CEP131: variants seen among roughly 807,000 people sequenced by gnomAD.
CEP131 encodes the protein centrosomal protein of 131 kDa.
Under a neutral mutation model 136.8 loss-of-function variants are expected in CEP131, and 99 were observed. The observed-to-expected ratio is 0.72, with a 90% confidence interval of 0.62 to 0.86. CEP131 has a LOEUF of 0.86. Ranked by LOEUF, CEP131 falls within the 40% of genes least tolerant of loss-of-function variation. The pLI is 0.00. For synonymous variants in CEP131, 646 were observed against 612.7 expected (o/e 1.05, Z -0.80); for missense variants, 1,459 against 1,463.0 (o/e 1.00, Z 0.04).
At chr17:81,191,497 G>A in intron 21 of CEP131, 162 bp from the exon 22 acceptor site, 1 of 662,056 alleles carries the variant, frequency 1.5e-6, no homozygotes, top group Non-Finnish European at 2.6e-6. Flanking sequence ...ACGTCCTGTT[G>A]TCAGGACCCA....
chr17:81,191,217 T>C lies in CEP131; in HGVS notation c.2741A>G (p.Glu914Gly), dbSNP rs920956859. Residue 914 changes from glutamate to glycine, a missense_variant, in exon 22 of 26, where the codon GAG becomes GGG. By Grantham distance (98) the Glu-to-Gly change is moderately conservative (BLOSUM62 -2). Coordinates refer to ENST00000450824, the MANE Select transcript of CEP131 (RefSeq NM_014984.4). Reference sequence around the variant, plus strand: ...CCGGCTCTCGGCAGCCTTCTCACTCTCCTCCTTGGCCAGCGCCATGTCGGC... The same window carrying C: ...CCGGCTCTCGGCAGCCTTCTCACTCCCCTCCTTGGCCAGCGCCATGTCGGC... ...LEADMALAKE[E>G]SEKAAESRIK... 4.3e-6 allele frequency: 7 copies of C among 1,612,700 alleles called. No homozygotes were observed. Among genetic ancestry groups the C allele is most frequent in the Non-Finnish European group, 5.9e-6 (7 of 1,179,926 alleles).
rs758642511 is a variant in CEP131 at position 81,191,260 on chromosome 17, C to T, written c.2698G>A (p.Val900Ile). ...RKGRDKEIEL[V>I]IHRLEADMAL... is the part of the protein sequence containing the mutation. Reference sequence around the variant, plus strand: ...ATGTCGGCCTCCAGCCGGTGAATGACCAGCTCAATCTCCTTGTCCCGGCCT... The same window carrying T: ...ATGTCGGCCTCCAGCCGGTGAATGATCAGCTCAATCTCCTTGTCCCGGCCT... The change falls in exon 22 of 26, where the codon GTC (valine) becomes ATC (isoleucine). Residue 900 changes from valine to isoleucine, a missense_variant. Val to Ile is a conservative substitution (Grantham distance 29, BLOSUM62 3). Coordinates refer to ENST00000450824, the MANE Select transcript of CEP131 (RefSeq NM_014984.4). 1.9e-5 allele frequency: 31 copies of T among 1,613,426 alleles called. No homozygotes were observed. The highest frequency in any genetic ancestry group is 2.3e-5 in the Non-Finnish European group (27 of 1,179,984).
chr17:81,217,863 G>A (rs2062285823), intron 2 of CEP131, among the ~76,000 whole-genome samples: 1 of 152,286 alleles, frequency 6.6e-6, no homozygotes, highest in Non-Finnish European at 1.5e-5. Context: ...CAGCAGAAAG[G>A]CTGGGAGTGT....
chr17:81,196,639 C>A, intron 15 of CEP131, 62 bp downstream of exon 15: 1 of 1,550,354 alleles, frequency 6.5e-7, no homozygotes, highest in Non-Finnish European at 8.7e-7. Context: ...AAGCCCCTGG[C>A]TCTGGAAGTC....
chr17:81,201,325 C>T (rs1490659034), intron 7 of CEP131, among the ~76,000 whole-genome samples: 6 of 152,180 alleles, frequency 3.9e-5, no homozygotes, highest in Non-Finnish European at 5.9e-5. Flanking sequence ...CCGCCAGGAG[C>T]AGGCTCCGAA....
At position 81,198,894 on chromosome 17, in the gene CEP131, G is replaced by A; in HGVS notation, c.1270C>T (p.Pro424Ser). The change falls in exon 11 of 26, where the codon CCA (proline) becomes TCA (serine). Residue 424 changes from proline to serine, a missense_variant. By Grantham distance (74) the Pro-to-Ser change is moderately conservative. Transcript: ENST00000450824. Reference protein sequence around the residue: ...SDSSPEPQQPPEDRTQDVLAQ... With the variant: ...SDSSPEPQQPSEDRTQDVLAQ... ...GCTCAGACCTGCGTCCTGTCCTCTGGAGGCTGCTGTGGTTCTGGGGATGAG... is the reference window on the plus strand; with the variant it reads ...GCTCAGACCTGCGTCCTGTCCTCTGAAGGCTGCTGTGGTTCTGGGGATGAG... 6.3e-7 allele frequency: 1 copy of A among 1,589,706 alleles called. No homozygotes were observed. The highest frequency in any genetic ancestry group is 8.6e-7 in the Non-Finnish European group (1 of 1,169,008).
intron 1 of CEP131, 34 bp from the exon 2 acceptor site, chr17:81,220,107 C>T (rs745640586): frequency 6.0e-5 from 87 of 1,459,262 alleles, no homozygotes; most frequent in South Asian, 8.4e-5. Flanking sequence ...AATGAGATGC[C>T]GTGGGGGAAC....
chr17:81,210,630 G>A (rs1433006662), intron 2 of CEP131, among the ~76,000 whole-genome samples: 1 of 152,064 alleles, frequency 6.6e-6, no homozygotes, highest in African/African-American at 2.4e-5. Flanking sequence ...ACAGTCCAGT[G>A]GGAAACGGTC....
chr17:81,203,791 C>T lies in CEP131; in HGVS notation c.516-184G>A. Reference sequence around the variant, plus strand: ...CAGCCTGCGCCCTGATGATGGGGTTCTTCCCAGGACAGGAAAGCTGGACCA... The same window carrying T: ...CAGCCTGCGCCCTGATGATGGGGTTTTTCCCAGGACAGGAAAGCTGGACCA... On this transcript the variant is annotated intron_variant, in intron 5 of 25. Coordinates refer to ENST00000450824, the MANE Select transcript of CEP131 (RefSeq NM_014984.4). The surrounding 1 kb of genome is among the most constrained non-coding windows in gnomAD (Gnocchi z 4.6). 4 of 580,204 alleles carry T rather than the reference C, an allele frequency of 6.9e-6. No homozygotes were observed. The highest frequency in any genetic ancestry group is 2.1e-5 in the South Asian group (1 of 47,294). 35.9% of individuals were successfully genotyped at this position (580,204 alleles called of 1,614,324 possible).
chr17:81,195,747 A>T, intron 16 of CEP131, 88 bp downstream of exon 16: 1 of 1,182,188 alleles, frequency 8.5e-7, no homozygotes, highest in Non-Finnish European at 1.2e-6. Flanking sequence ...GAGGACTCCA[A>T]GTCCGGTCCT....
At position 81,189,813 on chromosome 17, in the gene CEP131, C is replaced by T. The variant is rs778586270; in HGVS notation, c.3199G>A (p.Glu1067Lys). ...AAVKRADHLE[E>K]LLEQHRRPTP... ...GGCCTCCTGTGCTGCTCCAGCAGCT[C>T]CTCCAGGTGGTCGGCCCGCTTCACC... Residue 1067 changes from glutamate (E) to lysine (K), a missense_variant, in exon 26 of 26, where the codon GAG (glutamate) becomes AAG (lysine). This residue lies in a region of CEP131 where 1,026 missense variants were observed against 964.2 expected (regional missense o/e 1.06). Coordinates refer to ENST00000450824, the MANE Select transcript of CEP131 (RefSeq NM_014984.4). 1 of 1,611,636 alleles carries T rather than the reference C, an allele frequency of 6.2e-7. No homozygotes were observed. The highest frequency in any genetic ancestry group is 8.5e-7 in the Non-Finnish European group (1 of 1,179,336).
chr17:81,195,335 G>T (rs1413008685), intron 16 of CEP131, among the ~76,000 whole-genome samples: 1 of 152,212 alleles, frequency 6.6e-6, no homozygotes, highest in African/African-American at 2.4e-5. Context: ...CACGTGCAGG[G>T]ATTTTAAAAT....
At chr17:81,210,841 A>AAC (rs1237911613) in intron 2 of CEP131, among the ~76,000 whole-genome samples, 2 of 151,714 alleles carry the variant, frequency 1.3e-5, no homozygotes, top group African/African-American at 4.8e-5. Flanking sequence ...AAAAAAAAAA[A>AAC]AAAGGCTCCA....
rs1453048540 is a variant in CEP131, at chr17:81,192,309, G to A, written c.2622+9C>T. On this transcript the variant is annotated intron_variant, in intron 21 of 25. Coordinates refer to ENST00000450824, the MANE Select transcript of CEP131 (RefSeq NM_014984.4). ...CAACCCCTGCCCACCTGGGTGCCCAGGCCCCCACCTCCTTCCTGGTGCGGC... is the reference window on the plus strand; with the variant it reads ...CAACCCCTGCCCACCTGGGTGCCCAAGCCCCCACCTCCTTCCTGGTGCGGC... 2 of 1,550,234 alleles carry A rather than the reference G, an allele frequency of 1.3e-6. No homozygotes were observed. The highest frequency in any genetic ancestry group is 1.7e-6 in the Non-Finnish European group (2 of 1,148,132).
In CEP131 at chr17:81,203,471, G is replaced by T; in HGVS notation, c.629+23C>A. On this transcript the variant is annotated intron_variant, in intron 6 of 25. Transcript: ENST00000450824. The surrounding 1 kb of genome is among the most constrained non-coding windows in gnomAD (Gnocchi z 4.6). The stretch of plus-strand genomic sequence containing the variant: ...AACTGAGGTCGGACCCCGCAGCCCC[G>T]CGGCCTCCCCAGAAGACCTTACTTG... 6.4e-7 allele frequency: 1 copy of T among 1,562,602 alleles called. No homozygotes were observed. The highest frequency in any genetic ancestry group is 1.2e-5 in the South Asian group (1 of 85,760).
rs892976040 is a variant in CEP131, at chr17:81,215,701, C to T, written c.177+4179G>A. Among the ~76,000 whole-genome samples, 9 of 152,142 alleles carry T rather than the reference C, an allele frequency of 5.9e-5. No homozygotes were observed. In the East Asian group the frequency reaches 1.5e-3, roughly 26 times the overall value. On this transcript the variant is annotated intron_variant, in intron 2 of 25. Coordinates refer to ENST00000450824, the MANE Select transcript of CEP131 (RefSeq NM_014984.4). This position sits in a 1 kb window ranked among gnomAD's most constrained non-coding sequence, Gnocchi z 4.1. ...TGCTGGGATTACAGGCACGGGCCAC[C>T]GCACCTGGCCCCCCTTTCAAAATTT...
chr17:81,196,952 A>G lies in CEP131; in HGVS notation c.1751T>C (p.Met584Thr). 1.9e-6 allele frequency: 3 copies of G among 1,609,368 alleles called. No homozygotes were observed. The highest frequency in any genetic ancestry group is 2.5e-6 in the Non-Finnish European group (3 of 1,178,374). ...TACCAGCGCTCTCTGCAGCAGCAGC[A>G]TGGCCTGCTTCTTCTCCTCCACCTC... The part of the protein sequence containing the change: ...KLEVEEKKQA[M>T]LLLQRALAQQ... Residue 584 changes from methionine to threonine, a missense_variant, in exon 14 of 26, where the codon ATG becomes ACG. Transcript: ENST00000450824.
At chr17:81,192,685 G>GGGGGGGGGGGGGGGGC in intron 19 of CEP131, 51 bp downstream of exon 19, 9 of 478,398 alleles carry the variant, frequency 1.9e-5, no homozygotes, top group Non-Finnish European at 3.7e-5. Flanking sequence ...GGGGGGAGGG[G>GGGGGGGGGGGGGGGGC]TCAGCCAGCG....
chr17:81,196,421 C>T (rs1442711233), intron 15 of CEP131, among the ~76,000 whole-genome samples: 3 of 152,254 alleles, frequency 2.0e-5, no homozygotes, highest in African/African-American at 7.2e-5. Flanking sequence ...TAGGTCTCTT[C>T]TCTTCAGAAC....
Sources: gnomAD v4.1 joint callset for allele counts (sites outside exome capture counted in the v4.1 genomes callset) on GRCh38, gnomAD v4.1.1 for gene constraint, gnomAD v4.1.1 regional missense constraint, Gnocchi (gnomAD v3.1) non-coding constraint, MANE v1.5 for transcripts, NCBI Gene and HGNC (gene_info 2026-07-23, HGNC 2026-07-21) for gene names.